The following MRC1 variants were observed in gnomAD, a reference collection of about 807,000 sequenced individuals.
MRC1 encodes the protein macrophage mannose receptor 1.
A neutral mutation model predicts 102.9 loss-of-function variants in MRC1; 62 were observed. The ratio of observed to expected loss-of-function variants is 0.60; its 90% CI spans 0.49 to 0.74. The LOEUF is 0.74. Ranked by LOEUF, MRC1 falls within the 30% of genes least tolerant of loss-of-function variation. The probability of loss-of-function intolerance (pLI) is 0.00; values close to 1 mark genes in which losing one functional copy is unlikely to be tolerated. For synonymous variants in MRC1, 457 were observed against 298.4 expected (o/e 1.53, Z -5.48); for missense variants, 1,237 against 862.8 (o/e 1.43, Z -5.43).
rs1833333633 is a variant in MRC1 at position 17,870,109 on chromosome 10, A to G, written c.1984-137A>G. The G allele has an allele frequency of 4.5e-6, 3 of 664,340 alleles. No homozygotes were observed. The South Asian group carries it at 5.6e-5, about 12-fold the overall frequency. 41.2% of individuals were successfully genotyped at this position (664,340 alleles called of 1,614,324 possible). On this transcript the variant is annotated intron_variant, in intron 12 of 29. Coordinates refer to ENST00000569591, the MANE Select transcript of MRC1 (RefSeq NM_002438.4). ...TCACTCATAAACTGATTTTAAAGCA[A>G]AAGAATTACATTGTTTTGAGTCATT...
At chr10:17,834,453 C>G (rs1838630374) in intron 4 of MRC1, among the ~76,000 whole-genome samples, 1 of 152,126 alleles carries the variant, frequency 6.6e-6, no homozygotes, top group South Asian at 2.1e-4. Context: ...CCTCTTGTAG[C>G]CCAGACTGGA....
chr10:17,861,332 A>G, intron 9 of MRC1, 55 bp from the exon 10 acceptor site: 1 of 762,116 alleles, frequency 1.3e-6, no homozygotes, highest in Non-Finnish European at 2.3e-6. Context: ...ATAATATTTT[A>G]TAATATATAT....
intron 14 of MRC1, 91 bp downstream of exon 14, chr10:17,871,026 A>G: frequency 7.5e-6 from 6 of 794,764 alleles, no homozygotes; most frequent in South Asian, 1.4e-5. Flanking sequence ...TTTTAATAAG[A>G]CAGTTCATTA....
At chr10:17,887,651 AAACT>A (rs1212975696) in intron 22 of MRC1, among the ~76,000 whole-genome samples, 3 of 152,228 alleles carry the variant, frequency 2.0e-5, no homozygotes, top group African/African-American at 4.8e-5. Flanking sequence ...CAATAAAAAC[AAACT>A]AACAAACAAA....
At chr10:17,897,169 G>T (rs1228204675) in intron 23 of MRC1, among the ~76,000 whole-genome samples, 1 of 152,026 alleles carries the variant, frequency 6.6e-6, no homozygotes, top group East Asian at 1.9e-4. Flanking sequence ...AACTTTTTCA[G>T]CTCACAGGAT....
intron 21 of MRC1, among the ~76,000 whole-genome samples, 158 bp downstream of exon 21, chr10:17,881,339 A>T (rs1019220171): frequency 2.0e-5 from 3 of 152,202 alleles, no homozygotes; most frequent in Non-Finnish European, 4.4e-5. Context: ...ATTTTATTCC[A>T]TTATAGCACG....
In MRC1 at chr10:17,849,572, T is replaced by C. The variant is rs1554840462; in HGVS notation, c.1064-7T>C. 3.9e-6 allele frequency: 3 copies of C among 777,446 alleles called. No individual in the cohort carries two copies. The highest frequency in any genetic ancestry group is 7.2e-6 in the Non-Finnish European group (3 of 416,892). 48.2% of individuals were successfully genotyped at this position (777,446 alleles called of 1,614,324 possible). On this transcript the variant is annotated splice_polypyrimidine_tract_variant and splice_region_variant and intron_variant, in intron 6 of 29. Coordinates refer to ENST00000569591, the MANE Select transcript of MRC1 (RefSeq NM_002438.4). ...AATTTTTTTCCGACCCCCCTTTTTG[T>C]TTCTAGAAAGTGATGTGCCTACTCA...
intron 9 of MRC1, among the ~76,000 whole-genome samples, chr10:17,857,021 C>T (rs1395071556): frequency 2.6e-5 from 4 of 152,118 alleles, no homozygotes; most frequent in African/African-American, 4.8e-5. Flanking sequence ...TTCTCATTTT[C>T]TTTGAATAAA....
chr10:17,848,371 A>G (rs1038995737), intron 6 of MRC1, among the ~76,000 whole-genome samples: 22 of 152,286 alleles, frequency 1.4e-4, no homozygotes, highest in Admixed American at 3.3e-4. Context: ...CCAATACTCA[A>G]TACGCTTATA....
At position 17,825,691 on chromosome 10, in the gene MRC1, G is replaced by A. The variant is rs1027542123; in HGVS notation, c.464-1851G>A. Among the ~76,000 whole-genome samples, 279 of 152,208 alleles carry A rather than the reference G, an allele frequency of 1.8e-3. 1 individual carries two copies. Among genetic ancestry groups the A allele is most frequent in the Non-Finnish European group, 3.1e-3 (208 of 68,018 alleles). On this transcript the variant is annotated intron_variant, in intron 2 of 29. Transcript: ENST00000569591. ...TGAGGCTGCAGTGAGCCATCATTGC[G>A]CCACCTACTGCAGCCTGTGTGACAG...
chr10:17,841,049 C>G (rs1160598085), intron 5 of MRC1, among the ~76,000 whole-genome samples: 2 of 152,200 alleles, frequency 1.3e-5, no homozygotes, highest in Non-Finnish European at 2.9e-5. Flanking sequence ...ATAAAGGTCT[C>G]TGTTTAAAGT....
chr10:17,856,409 G>A (rs1199111067), intron 9 of MRC1, 57 bp downstream of exon 9: 2 of 808,676 alleles, frequency 2.5e-6, no homozygotes, highest in African/African-American at 3.4e-5. Context: ...TGATACCGTT[G>A]GCTTTATTTT....
intron 10 of MRC1, among the ~76,000 whole-genome samples, chr10:17,861,817 A>G (rs1833188416): frequency 6.6e-6 from 1 of 152,162 alleles, no homozygotes; most frequent in African/African-American, 2.4e-5. Context: ...AAAGTAACTA[A>G]AAGTTGCCGG....
At chr10:17,876,348 A>C (rs2130684385) in intron 17 of MRC1, among the ~76,000 whole-genome samples, 1 of 151,994 alleles carries the variant, frequency 6.6e-6, no homozygotes, top group South Asian at 2.1e-4. Context: ...ACTGGGTTCA[A>C]GCAGTTCTCC....
chr10:17,901,928 G>A (rs1382906674), intron 25 of MRC1, 45 bp from the exon 26 acceptor site: 1 of 780,756 alleles, frequency 1.3e-6, no homozygotes, highest in Non-Finnish European at 2.4e-6. Context: ...ACACACTACA[G>A]AAACTTCAGG....
At chr10:17,825,595 A>G (rs1838463339) in intron 2 of MRC1, among the ~76,000 whole-genome samples, 1 of 152,144 alleles carries the variant, frequency 6.6e-6, no homozygotes, top group Non-Finnish European at 1.5e-5. Flanking sequence ...TAAGCTTGGT[A>G]CTGTGGTGTT....
At chr10:17,844,219 A>G (rs1004399276) in intron 5 of MRC1, among the ~76,000 whole-genome samples, 40 of 151,408 alleles carry the variant, frequency 2.6e-4, no homozygotes, top group African/African-American at 9.7e-4. Context: ...TCCTCCATTT[A>G]TTTTTATTTT....
chr10:17,839,759 T>G (rs1009042122), intron 4 of MRC1, among the ~76,000 whole-genome samples: 1,640 of 152,088 alleles, frequency 0.011, 7 homozygotes, highest in Non-Finnish European at 0.018. Context: ...CATTGATGGT[T>G]TCAAAAAAGA....
At chr10:17,861,216 G>C (rs1394910910) in intron 9 of MRC1, among the ~76,000 whole-genome samples, 171 bp from the exon 10 acceptor site, 1 of 152,172 alleles carries the variant, frequency 6.6e-6, no homozygotes, top group African/African-American at 2.4e-5. Context: ...TGGAGACTGA[G>C]GCAGGAGAAT....
Sources: gnomAD v4.1 joint callset for allele counts (sites outside exome capture counted in the v4.1 genomes callset) on GRCh38, gnomAD v4.1.1 for gene constraint, MANE v1.5 for transcripts, NCBI Gene and HGNC (gene_info 2026-07-23, HGNC 2026-07-21) for gene names.